Variants in VAMP4 observed in about 807,000 individuals in gnomAD.
VAMP4 encodes vesicle-associated membrane protein 4.
VAMP4 carries 19 observed loss-of-function variants against 23.5 expected under a neutral mutation model. That is an observed-to-expected ratio of 0.81 (90% CI 0.56 to 1.19). VAMP4 has a LOEUF of 1.19. Ranked by LOEUF, VAMP4 falls within the 50% of genes most tolerant of loss-of-function variation. The probability of loss-of-function intolerance (pLI) is 0.00; values close to 1 mark genes in which losing one functional copy is unlikely to be tolerated. For missense variants in VAMP4, 145 were observed against 168.6 expected, an observed-to-expected ratio of 0.86 and a Z score of 0.78; for synonymous variants, 31 against 51.0, an observed-to-expected ratio of 0.61 and a Z score of 1.67.
In VAMP4 at chr1:171,703,449, A is replaced by ATATG. The variant is rs1553258244; in HGVS notation, c.*1056_*1057insCATA. 16 of 112,032 alleles carry ATATG rather than the reference A, an allele frequency of 1.4e-4. No homozygotes were observed. Among genetic ancestry groups the ATATG allele is most frequent in the African/African-American group, 3.1e-4 (9 of 28,812 alleles). The allele number at this position is 112,032 out of a possible 1,614,324, so 6.9% of individuals were successfully genotyped here. On this transcript the variant is annotated 3_prime_UTR_variant, in exon 8 of 8. Transcript: ENST00000236192. Reference sequence around the variant, plus strand: ...TGTATATATATATATATATATATATATATATATATATATATATATACACAT... The same window carrying ATATG: ...TGTATATATATATATATATATATATATATGTATATATATATATATATATACACAT...
intron 4 of VAMP4, among the ~76,000 whole-genome samples, chr1:171,712,661 C>A (rs763631013): frequency 1.3e-5 from 2 of 152,204 alleles, no homozygotes; most frequent in Non-Finnish European, 2.9e-5. Flanking sequence ...CCAAACAAAT[C>A]TGAAAGAACC....
At chr1:171,714,608 C>CA (rs1654966180) in intron 4 of VAMP4, among the ~76,000 whole-genome samples, 2 of 152,168 alleles carry the variant, frequency 1.3e-5, no homozygotes, top group African/African-American at 4.8e-5. Flanking sequence ...CCTGTCTCTA[C>CA]AAAAAATACA....
intron 3 of VAMP4, among the ~76,000 whole-genome samples, chr1:171,719,727 A>G (rs2124851289): frequency 6.6e-6 from 1 of 152,180 alleles, no homozygotes; most frequent in African/African-American, 2.4e-5. Flanking sequence ...TATGTTTTTG[A>G]TTATTCATCT....
chr1:171,723,289 T>C lies in VAMP4; in HGVS notation c.114-4068A>G, dbSNP rs112351080. ...ACGCACTGTCATTGATAACATCTTA[T>C]CAGGAGACAGGGTTTGAGAGCAGAC... On this transcript the variant is annotated intron_variant, in intron 3 of 7. Transcript: ENST00000236192. 3.1e-3 allele frequency among the ~76,000 whole-genome samples: 468 copies of C among 152,280 alleles called. 4 individuals are homozygous for C. The highest frequency in any genetic ancestry group is 0.011 in the African/African-American group (451 of 41,548).
intron 3 of VAMP4, among the ~76,000 whole-genome samples, chr1:171,727,949 G>A (rs1017318458): frequency 1.3e-5 from 2 of 152,194 alleles, no homozygotes; most frequent in African/African-American, 4.8e-5. Flanking sequence ...CAAGGGTTAT[G>A]AGGAAACTTG....
chr1:171,719,457 T>C (rs1309289508), intron 3 of VAMP4, among the ~76,000 whole-genome samples: 1 of 152,128 alleles, frequency 6.6e-6, no homozygotes, highest in Non-Finnish European at 1.5e-5. Flanking sequence ...CTTCTGCATG[T>C]TAAAACTTTC....
intron 2 of VAMP4, among the ~76,000 whole-genome samples, chr1:171,731,563 T>A (rs1263374327): frequency 2.0e-5 from 3 of 152,040 alleles, no homozygotes; most frequent in African/African-American, 7.2e-5. Flanking sequence ...GAGATCCAAA[T>A]AACAAAGAGC....
intron 3 of VAMP4, among the ~76,000 whole-genome samples, chr1:171,721,271 C>A (rs1009692894): frequency 2.0e-5 from 3 of 152,110 alleles, no homozygotes; most frequent in South Asian, 2.1e-4. Flanking sequence ...TCCCTCTCAC[C>A]ACCTCTACTC....
intron 5 of VAMP4, 24 bp from the exon 6 acceptor site, chr1:171,709,768 G>C: frequency 6.4e-7 from 1 of 1,574,246 alleles, no homozygotes; most frequent in East Asian, 2.2e-5. Flanking sequence ...AGGATGGAGA[G>C]AAGGATTAAA....
At chr1:171,721,070 T>C (rs1368898553) in intron 3 of VAMP4, among the ~76,000 whole-genome samples, 1 of 152,048 alleles carries the variant, frequency 6.6e-6, no homozygotes, top group Non-Finnish European at 1.5e-5. Flanking sequence ...TCTCAATAGA[T>C]ACAAAATAAA....
chr1:171,715,844 A>G (rs1281312003), intron 4 of VAMP4, among the ~76,000 whole-genome samples: 6 of 152,018 alleles, frequency 3.9e-5, no homozygotes, highest in African/African-American at 1.2e-4. Context: ...CCCCGTCTCT[A>G]TAAGAAATTA....
chr1:171,704,463 T>A lies in VAMP4; in HGVS notation c.*43A>T, dbSNP rs765526727. On this transcript the variant is annotated 3_prime_UTR_variant, in exon 8 of 8. Transcript: ENST00000236192. ...ATTTAAATTATGCAGCAATCTTTTA[T>A]TACTGTCCCAGATCTTGTTTAATGA... 1 of 1,518,454 alleles carries A rather than the reference T, an allele frequency of 6.6e-7. No homozygotes were observed. The highest frequency in any genetic ancestry group is 1.4e-5 in the African/African-American group (1 of 70,854). 94.1% of individuals were successfully genotyped at this position (1,518,454 alleles called of 1,614,324 possible).
intron 6 of VAMP4, among the ~76,000 whole-genome samples, chr1:171,709,026 G>A (rs916977630): frequency 2.0e-5 from 3 of 151,072 alleles, no homozygotes; most frequent in Non-Finnish European, 2.9e-5. Flanking sequence ...CTCATATAAC[G>A]TGAAAAACAT....
chr1:171,722,821 GT>G (rs1415812295), intron 3 of VAMP4, among the ~76,000 whole-genome samples: 1 of 146,918 alleles, frequency 6.8e-6, no homozygotes, highest in Non-Finnish European at 1.5e-5. Context: ...GTGTAAACTA[GT>G]TCAACCATTG....
At chr1:171,738,137 T>A (rs1402839664) in intron 2 of VAMP4, among the ~76,000 whole-genome samples, 1 of 152,102 alleles carries the variant, frequency 6.6e-6, no homozygotes, top group Non-Finnish European at 1.5e-5. Flanking sequence ...CCCCATTAAT[T>A]TTTTAAAAAT....
intron 2 of VAMP4, among the ~76,000 whole-genome samples, chr1:171,733,589 G>T (rs1156596912): frequency 6.6e-6 from 1 of 152,086 alleles, no homozygotes; most frequent in Admixed American, 6.6e-5. Context: ...TATATTAATT[G>T]AATAAACACA....
In VAMP4 at chr1:171,701,831, G is replaced by GAGTT. The variant is rs1253700362; in HGVS notation, c.*2671_*2674dup. ...GAACCAAATGACCACAGGTATTACT[G>GAGTT]AGTTATAATAAGAAGGAGTAACCAA... is the stretch of plus-strand genomic sequence containing the variant. On this transcript the variant is annotated 3_prime_UTR_variant, in exon 8 of 8. Transcript: ENST00000236192. The GAGTT allele has an allele frequency of 3.3e-5, 5 of 152,182 alleles. No individual in the cohort carries two copies. Among genetic ancestry groups the GAGTT allele is most frequent in the Non-Finnish European group, 7.4e-5 (5 of 67,952 alleles). The allele number at this position is 152,182 out of a possible 1,614,324, so 9.4% of individuals were successfully genotyped here.
intron 4 of VAMP4, among the ~76,000 whole-genome samples, chr1:171,714,932 T>C (rs925202284): frequency 1.3e-5 from 2 of 152,226 alleles, no homozygotes; most frequent in Admixed American, 1.3e-4. Context: ...ATCAGTCATG[T>C]AGCCTTGATG....
In VAMP4 at chr1:171,701,058, CA is replaced by C. The variant is rs1200654828; in HGVS notation, c.*3447del. On this transcript the variant is annotated 3_prime_UTR_variant, in exon 8 of 8. Transcript: ENST00000236192. The stretch of plus-strand genomic sequence containing the variant: ...CCTACATCAATCTAAAGCATTTAGA[CA>C]AATGCATTTTTAGACAAAAGCATTT... The C allele has an allele frequency of 6.6e-6, 1 of 151,992 alleles. No individual in the cohort carries two copies. The highest frequency in any genetic ancestry group is 2.4e-5 in the African/African-American group (1 of 41,400). The allele number at this position is 151,992 out of a possible 1,614,324, so 9.4% of individuals were successfully genotyped here.
Sources: gnomAD v4.1 joint callset for allele counts (sites outside exome capture counted in the v4.1 genomes callset) on GRCh38, gnomAD v4.1.1 for gene constraint, MANE v1.5 for transcripts, NCBI Gene and HGNC (gene_info 2026-07-23, HGNC 2026-07-21) for gene names.